C9: variants seen among roughly 807,000 people sequenced by gnomAD.
C9 encodes the protein complement C9.
In C9, 63 loss-of-function variants were observed where a neutral mutation model predicts 65.4. The observed-to-expected ratio is 0.96, with a 90% CI of 0.79 to 1.19. The LOEUF (loss-of-function observed/expected upper bound fraction) is 1.19. C9 is among the 50% of genes most tolerant of loss of function. The pLI is 0.00. For synonymous variants in C9, 229 were observed against 227.9 expected (o/e 1.00, Z -0.04); for missense variants, 744 against 670.1 (o/e 1.11, Z -1.22).
intron 1 of C9, among the ~76,000 whole-genome samples, chr5:39,352,840 T>TTG (rs1454878438): frequency 1.5e-4 from 22 of 150,738 alleles, no homozygotes; most frequent in African/African-American, 3.9e-4. Context: ...CTAAGTTTTT[T>TTG]TTTTTTTTTT....
chr5:39,354,131 C>G (rs1459100953), intron 1 of C9, among the ~76,000 whole-genome samples: 1 of 152,128 alleles, frequency 6.6e-6, no homozygotes, highest in East Asian at 1.9e-4. Flanking sequence ...CATGGGATGC[C>G]AAAACGTCTA....
At chr5:39,287,000 A>G (rs1753001629) in intron 10 of C9, among the ~76,000 whole-genome samples, 1 of 151,944 alleles carries the variant, frequency 6.6e-6, no homozygotes, top group Non-Finnish European at 1.5e-5. Context: ...AGGAAACTGT[A>G]TTTGTTCAAA....
At chr5:39,357,651 AGAGACTGCCCTAGGACTG>A (rs1754434805) in intron 1 of C9, among the ~76,000 whole-genome samples, 1 of 152,244 alleles carries the variant, frequency 6.6e-6, no homozygotes, top group Non-Finnish European at 1.5e-5. Context: ...GTAAGAGGAT[AGAGACTGCCCTAGGACTG>A]GAGTTGGGAG....
At chr5:39,310,903 C>T (rs966576024) in intron 7 of C9, among the ~76,000 whole-genome samples, 1 of 152,162 alleles carries the variant, frequency 6.6e-6, no homozygotes, top group Admixed American at 6.5e-5. Flanking sequence ...ACAATGGATC[C>T]ATCTCTCAGT....
At chr5:39,359,513 CG>C (rs537731206) in intron 1 of C9, among the ~76,000 whole-genome samples, 116 of 151,818 alleles carry the variant, frequency 7.6e-4, no homozygotes, top group African/African-American at 2.7e-3. Context: ...ACCACGAGAC[CG>C]GATGCAAGGG....
In C9 at chr5:39,341,147, C is replaced by G. The variant is rs756265565; in HGVS notation, c.475G>C (p.Gly159Arg). Residue 159 changes from glycine (G) to arginine (R), a missense_variant and splice_region_variant, in exon 4 of 11, where the codon GGG becomes CGG. Transcript: ENST00000263408. ...ESELARTAGYGINILGMDPLS... is the reference protein window; with the variant it reads ...ESELARTAGYRINILGMDPLS... ...AAAAAGTACAAGTAAAATACACACC[C>G]ATAGCCTGCTGTTCGTGCCAGCTCA... 2 of 1,614,150 alleles carry G rather than the reference C, an allele frequency of 1.2e-6. No homozygotes were observed. The highest frequency in any genetic ancestry group is 1.7e-6 in the Non-Finnish European group (2 of 1,180,018).
intron 7 of C9, 69 bp downstream of exon 7, chr5:39,311,068 C>T: frequency 6.5e-7 from 1 of 1,530,156 alleles, no homozygotes. Context: ...ACCATTGAAA[C>T]AGGTTGGTGA....
At chr5:39,332,626 G>A (rs1400354831) in intron 4 of C9, among the ~76,000 whole-genome samples, 1 of 152,164 alleles carries the variant, frequency 6.6e-6, no homozygotes, top group African/African-American at 2.4e-5. Flanking sequence ...TGGAATAAAC[G>A]GCCCCAAGCC....
intron 1 of C9, among the ~76,000 whole-genome samples, chr5:39,364,039 T>C (rs139395292): frequency 0.012 from 1,765 of 152,274 alleles, 25 homozygotes; most frequent in African/African-American, 0.037. Context: ...GAAAGATTAA[T>C]TTCCTTAATT....
At chr5:39,342,291 C>T (rs1419469612) in intron 1 of C9, 95 bp from the exon 2 acceptor site, 2 of 713,234 alleles carry the variant, frequency 2.8e-6, no homozygotes, top group Non-Finnish European at 5.2e-6. Flanking sequence ...ACTTTATCCC[C>T]TCTCAAATTA....
At position 39,311,329 on chromosome 5, in the gene C9, C is replaced by T. The variant is rs1338316755; in HGVS notation, c.919G>A (p.Val307Ile). 4.3e-6 allele frequency: 7 copies of T among 1,612,552 alleles called. No homozygotes were observed. The highest frequency in any genetic ancestry group is 5.9e-6 in the Non-Finnish European group (7 of 1,178,842). ...VKGEIHLGRF[V>I]MRNRDVVLTT... ...AGCACAACATCGCGATTTCTCATTACAAATCTTCCCAGATGAATTTCTCCT... is the reference window on the plus strand; with the variant it reads ...AGCACAACATCGCGATTTCTCATTATAAATCTTCCCAGATGAATTTCTCCT... Residue 307 changes from valine to isoleucine, a missense_variant, in exon 7 of 11, where the codon GTA becomes ATA. Coordinates refer to ENST00000263408, the MANE Select transcript of C9 (RefSeq NM_001737.5).
chr5:39,339,084 C>T (rs1754019973), intron 4 of C9, among the ~76,000 whole-genome samples: 1 of 152,174 alleles, frequency 6.6e-6, no homozygotes, highest in African/African-American at 2.4e-5. Flanking sequence ...CATGGACTCA[C>T]AATCTTTCCC....
At chr5:39,333,451 C>A (rs1290828913) in intron 4 of C9, among the ~76,000 whole-genome samples, 1 of 152,338 alleles carries the variant, frequency 6.6e-6, no homozygotes, top group South Asian at 2.1e-4. Flanking sequence ...CCCCTTCAAC[C>A]TGGCTATCCC....
chr5:39,308,111 T>C (rs1579847718), intron 8 of C9, 119 bp downstream of exon 8: 10 of 951,026 alleles, frequency 1.1e-5, no homozygotes, highest in African/African-American at 4.9e-5. Flanking sequence ...GCTTTAAATG[T>C]AAGATAGTTT....
chr5:39,327,172 A>G (rs189066757), intron 5 of C9, among the ~76,000 whole-genome samples: 1 of 152,156 alleles, frequency 6.6e-6, no homozygotes, highest in East Asian at 1.9e-4. Flanking sequence ...CAAAAATCAG[A>G]TCAGGGATCA....
chr5:39,341,839 A>T, intron 2 of C9, 139 bp from the exon 3 acceptor site: 1 of 843,222 alleles, frequency 1.2e-6, no homozygotes, highest in South Asian at 1.4e-5. Context: ...CACTGATGTT[A>T]TTTAGGGTAA....
intron 4 of C9, among the ~76,000 whole-genome samples, chr5:39,333,651 T>C (rs1024029399): frequency 3.0e-4 from 25 of 82,882 alleles, no homozygotes; most frequent in Middle Eastern, 8.3e-3. Flanking sequence ...ACGGTCTCCC[T>C]CTCATGCCGA....
intron 9 of C9, among the ~76,000 whole-genome samples, chr5:39,303,493 A>C (rs540827394): frequency 6.7e-6 from 1 of 149,914 alleles, no homozygotes; most frequent in East Asian, 1.9e-4. Flanking sequence ...CTGTATTTAT[A>C]GATTTTATAA....
At chr5:39,319,660 A>C (rs80124124) in intron 5 of C9, among the ~76,000 whole-genome samples, 4,474 of 152,172 alleles carry the variant, frequency 0.029, 203 homozygotes, top group African/African-American at 0.099. Flanking sequence ...TGCAAATCCC[A>C]AAATCAGGCG....
Sources: allele counts gnomAD v4.1 joint callset (sites outside exome capture counted in the v4.1 genomes callset), GRCh38; gene constraint gnomAD v4.1.1; transcripts MANE v1.5; gene names NCBI Gene and HGNC (gene_info 2026-07-23, HGNC 2026-07-21).